Variants in KYAT1 observed in about 807,000 individuals in gnomAD.
The protein encoded by KYAT1 is kynurenine aminotransferase 1, also known as kynurenine--oxoglutarate transaminase 1.
KYAT1 carries 47 observed loss-of-function variants against 52.4 expected under a neutral mutation model. The ratio of observed to expected loss-of-function variants is 0.90; its 90% CI spans 0.71 to 1.14. The LOEUF (loss-of-function observed/expected upper bound fraction) is 1.14. KYAT1 is among the 50% of genes most tolerant of loss of function. The pLI is 0.00. For synonymous variants in KYAT1, 212 were observed against 209.6 expected, an observed-to-expected ratio of 1.01 and a Z score of -0.10; for missense variants, 480 against 557.9, an observed-to-expected ratio of 0.86 and a Z score of 1.41.
chr9:128,844,754 A>G (rs1832805917), intron 2 of KYAT1, among the ~76,000 whole-genome samples: 1 of 152,020 alleles, frequency 6.6e-6, no homozygotes, highest in Non-Finnish European at 1.5e-5. Context: ...AATCCCAGCT[A>G]CTTGGAGGCT....
chr9:128,835,741 G>A (rs751403330), intron 9 of KYAT1, 38 bp downstream of exon 9: 1 of 1,604,592 alleles, frequency 6.2e-7, no homozygotes. Context: ...CTCTTTTGTT[G>A]TCCCCCCACT....
chr9:128,851,969 G>A (rs898727242), intron 1 of KYAT1, among the ~76,000 whole-genome samples: 1 of 152,126 alleles, frequency 6.6e-6, no homozygotes, highest in South Asian at 2.1e-4. Flanking sequence ...GGCACACTGC[G>A]ACTTGGCTCG....
At chr9:128,849,377 C>T (rs1833589232) in intron 1 of KYAT1, among the ~76,000 whole-genome samples, 1 of 126,802 alleles carries the variant, frequency 7.9e-6, no homozygotes. Flanking sequence ...CACCACTGCA[C>T]TCCAGGCTGG....
intron 1 of KYAT1, among the ~76,000 whole-genome samples, chr9:128,848,532 T>C (rs936624053): frequency 3.3e-5 from 5 of 152,000 alleles, no homozygotes; most frequent in African/African-American, 7.2e-5. Flanking sequence ...GAAACTCAAA[T>C]GGGGGCCAGG....
chr9:128,859,684 T>A (rs1835184798), intron 1 of KYAT1, among the ~76,000 whole-genome samples: 1 of 150,934 alleles, frequency 6.6e-6, no homozygotes. Context: ...AATCTCGCTC[T>A]GTTGCCCAGG....
At chr9:128,835,449 G>A (rs1289982887) in intron 10 of KYAT1, 32 bp downstream of exon 10, 7 of 1,613,674 alleles carry the variant, frequency 4.3e-6, no homozygotes, top group Non-Finnish European at 5.9e-6. Context: ...TCCAGCCCCT[G>A]CGCCCTGCCC....
At chr9:128,844,567 G>A (rs1383444116) in intron 2 of KYAT1, among the ~76,000 whole-genome samples, 3 of 152,114 alleles carry the variant, frequency 2.0e-5, no homozygotes, top group African/African-American at 7.2e-5. Flanking sequence ...GCGCACGCCT[G>A]TAATCCCAGC....
At position 128,842,765 on chromosome 9, in the gene KYAT1, G is replaced by C. The variant is rs374906693; in HGVS notation, c.90C>G (p.Val30=). The C allele has an allele frequency of 9.9e-6, 16 of 1,614,008 alleles. No individual in the cohort carries two copies. In the African/African-American group the frequency reaches 2.0e-4, roughly 20 times the overall value. ...EFVKLASEHD[V]VNLGQGFPDF... is the part of the protein sequence containing the mutation. The stretch of plus-strand genomic sequence containing the variant: ...CCGGGAAGCCCTGGCCCAAGTTCAC[G>C]ACGTCATGCTCACTGGCCAGTTTCA... The change falls in exon 3 of 13, where the codon GTC becomes GTG. Residue 30 remains valine (V), a synonymous_variant. Coordinates refer to ENST00000302586, the MANE Select transcript of KYAT1 (RefSeq NM_004059.5).
intron 2 of KYAT1, 41 bp downstream of exon 2, chr9:128,845,312 C>G (rs41275928): frequency 6.3e-7 from 1 of 1,589,642 alleles, no homozygotes. Flanking sequence ...AACCCATGCC[C>G]GAGGGGACAC....
At chr9:128,868,072 C>G (rs1836668518) in intron 1 of KYAT1, among the ~76,000 whole-genome samples, 1 of 152,078 alleles carries the variant, frequency 6.6e-6, no homozygotes, top group South Asian at 2.1e-4. Flanking sequence ...TGCGCTTGGC[C>G]CTGCAAAGCT....
At chr9:128,870,634 C>CACAA (rs202218340) in intron 1 of KYAT1, among the ~76,000 whole-genome samples, 4 of 152,076 alleles carry the variant, frequency 2.6e-5, no homozygotes, top group East Asian at 1.9e-4. Flanking sequence ...AAGACCCTGT[C>CACAA]ACAAACAAAC....
At chr9:128,850,823 C>T (rs922368931) in intron 1 of KYAT1, among the ~76,000 whole-genome samples, 49 of 152,202 alleles carry the variant, frequency 3.2e-4, no homozygotes, top group African/African-American at 1.1e-3. Context: ...AAAAACCACC[C>T]TATGGCGGGA....
intron 1 of KYAT1, 58 bp from the exon 2 acceptor site, chr9:128,845,469 G>C (rs933906377): frequency 1.3e-6 from 2 of 1,530,318 alleles, no homozygotes; most frequent in African/African-American, 2.7e-5. Context: ...AGCAGTCCGA[G>C]CTTGCACACA....
intron 8 of KYAT1, 46 bp from the exon 9 acceptor site, chr9:128,835,914 C>G (rs373670583): frequency 3.1e-6 from 5 of 1,607,942 alleles, no homozygotes; most frequent in African/African-American, 1.3e-5. Flanking sequence ...CCAGACCTGG[C>G]TAAAGCCTTC....
At chr9:128,865,139 T>A (rs1836028274) in intron 1 of KYAT1, among the ~76,000 whole-genome samples, 1 of 144,668 alleles carries the variant, frequency 6.9e-6, no homozygotes, top group African/African-American at 2.7e-5. Context: ...GGTGGGAGGA[T>A]CACTTGAGCC....
intron 1 of KYAT1, among the ~76,000 whole-genome samples, chr9:128,857,073 C>T (rs1834731167): frequency 1.3e-5 from 2 of 152,242 alleles, no homozygotes; most frequent in South Asian, 4.1e-4. Context: ...GGCAGCAATG[C>T]TGCCTTGTTA....
At chr9:128,862,184 G>A (rs1442069854) in intron 1 of KYAT1, among the ~76,000 whole-genome samples, 2 of 152,156 alleles carry the variant, frequency 1.3e-5, no homozygotes, top group African/African-American at 4.8e-5. Flanking sequence ...TGTATTTTTT[G>A]TAGAGATGTG....
In KYAT1 at chr9:128,833,571, CGT is replaced by C; in HGVS notation, c.*11_*12del. Reference sequence around the variant, plus strand: ...GCATGTGGGGATGTCAGGGCCAAGGCGTGACTTCAGGGCTAGAGTTCCACCTT... The same window carrying C: ...GCATGTGGGGATGTCAGGGCCAAGGCGACTTCAGGGCTAGAGTTCCACCTT... On this transcript the variant is annotated 3_prime_UTR_variant, in exon 13 of 13. Coordinates refer to ENST00000302586, the MANE Select transcript of KYAT1 (RefSeq NM_004059.5). 6.2e-7 allele frequency: 1 copy of C among 1,613,716 alleles called. No homozygotes were observed. Among genetic ancestry groups the C allele is most frequent in the Non-Finnish European group, 8.5e-7 (1 of 1,179,624 alleles).
intron 1 of KYAT1, among the ~76,000 whole-genome samples, chr9:128,868,926 G>C (rs997948267): frequency 3.3e-5 from 5 of 151,820 alleles, no homozygotes; most frequent in African/African-American, 1.2e-4. Context: ...GGATGGTCTC[G>C]ATCTCCTGAC....
Sources: allele counts gnomAD v4.1 joint callset (sites outside exome capture counted in the v4.1 genomes callset), GRCh38; gene constraint gnomAD v4.1.1; transcripts MANE v1.5; gene names NCBI Gene and HGNC (gene_info 2026-07-23, HGNC 2026-07-21).